The following LARS2 variants were observed in gnomAD, a reference collection of about 807,000 sequenced individuals.
LARS2 encodes leucine--tRNA ligase, mitochondrial.
A neutral mutation model predicts 116.6 loss-of-function variants in LARS2; 81 were observed. The observed-to-expected ratio is 0.69, with a 90% confidence interval of 0.58 to 0.84. The LOEUF (loss-of-function observed/expected upper bound fraction) is 0.84, where lower values mean the gene tolerates loss of function less well. Among genes scored for constraint, LARS2 ranks in the 40% least tolerant of loss-of-function variants. LARS2 has a pLI of 0.00. For missense variants in LARS2, 968 were observed against 1,114.5 expected (o/e 0.87, Z 1.87); for synonymous variants, 396 against 407.2 (o/e 0.97, Z 0.33).
chr3:45,470,400 C>T lies in LARS2; in HGVS notation c.751-3843C>T, dbSNP rs541005637. Among the ~76,000 whole-genome samples, 4 of 152,134 alleles carry T rather than the reference C, an allele frequency of 2.6e-5. No homozygotes were observed. In the East Asian group the frequency reaches 7.7e-4, roughly 29 times the overall value. On this transcript the variant is annotated intron_variant, in intron 8 of 21. Coordinates refer to ENST00000645846, the MANE Select transcript of LARS2 (RefSeq NM_015340.4). ...TTTTTGATTGGATGTTACTTCAGCC[C>T]ATCTTTTATTGGTGCATGTTCTTAA... is the stretch of plus-strand genomic sequence containing the variant.
chr3:45,420,293 A>T (rs931586498), intron 6 of LARS2, among the ~76,000 whole-genome samples: 1 of 152,224 alleles, frequency 6.6e-6, no homozygotes, highest in Non-Finnish European at 1.5e-5. Context: ...TGTTGCAAAC[A>T]AATTGTGAAC....
chr3:45,442,689 G>T (rs1350584910), intron 6 of LARS2, among the ~76,000 whole-genome samples: 1 of 152,174 alleles, frequency 6.6e-6, no homozygotes, highest in Non-Finnish European at 1.5e-5. Flanking sequence ...CAGCATTCCT[G>T]TGTGCGCTGC....
chr3:45,421,796 T>A (rs906103034), intron 6 of LARS2: 1 of 152,374 alleles, frequency 6.6e-6, no homozygotes, highest in Non-Finnish European at 1.5e-5. Context: ...TAGCTTCACC[T>A]AAACTACCTT....
chr3:45,406,701 A>G (rs926235847), intron 4 of LARS2, among the ~76,000 whole-genome samples: 1 of 152,218 alleles, frequency 6.6e-6, no homozygotes, highest in Admixed American at 6.5e-5. Flanking sequence ...AACAATATGT[A>G]ATTTTCAAGT....
chr3:45,473,120 C>T (rs935735825), intron 8 of LARS2, among the ~76,000 whole-genome samples: 4 of 152,202 alleles, frequency 2.6e-5, no homozygotes, highest in Non-Finnish European at 4.4e-5. Flanking sequence ...ATAGAGATCA[C>T]AGGCCAACAT....
rs1454214503 is a variant in LARS2 at position 45,520,199 on chromosome 3, A to G, written c.2215-20A>G. 2 of 1,552,796 alleles carry G rather than the reference A, an allele frequency of 1.3e-6. No homozygotes were observed. Among genetic ancestry groups the G allele is most frequent in the South Asian group, 2.2e-5 (2 of 89,432 alleles). Reference sequence around the variant, plus strand: ...TAAAAGAATTTTGAAATAAGTAAATAATTGAACCTTTACTAATAGGTGACC... The same window carrying G: ...TAAAAGAATTTTGAAATAAGTAAATGATTGAACCTTTACTAATAGGTGACC... On this transcript the variant is annotated intron_variant, in intron 18 of 21. Transcript: ENST00000645846.
intron 10 of LARS2, among the ~76,000 whole-genome samples, chr3:45,480,004 A>G (rs1278840820): frequency 6.6e-6 from 1 of 152,228 alleles, no homozygotes; most frequent in Non-Finnish European, 1.5e-5. Context: ...TGGAAGCCCC[A>G]GGTCATTAAA....
intron 14 of LARS2, among the ~76,000 whole-genome samples, chr3:45,497,242 C>T (rs1338339036): frequency 6.6e-6 from 1 of 151,772 alleles, no homozygotes; most frequent in African/African-American, 2.4e-5. Context: ...CATTGTAAAT[C>T]TTTCAGTACC....
chr3:45,488,622 G>T (rs896769026), intron 11 of LARS2, 75 bp from the exon 12 acceptor site: 2 of 841,946 alleles, frequency 2.4e-6, no homozygotes, highest in Non-Finnish European at 4.1e-6. Flanking sequence ...CTAAACCTGG[G>T]TGTCAGTACT....
chr3:45,522,256 G>T (rs190697792), intron 19 of LARS2, among the ~76,000 whole-genome samples: 1 of 152,316 alleles, frequency 6.6e-6, no homozygotes, highest in East Asian at 1.9e-4. Flanking sequence ...TCTGATCCAG[G>T]AGTGTTCACT....
At chr3:45,446,601 T>C (rs1699023279) in intron 6 of LARS2, among the ~76,000 whole-genome samples, 2 of 152,236 alleles carry the variant, frequency 1.3e-5, no homozygotes, top group African/African-American at 4.8e-5. Flanking sequence ...TTTTGTACAA[T>C]GTAATTCACT....
At chr3:45,449,919 T>C (rs972557646) in intron 7 of LARS2, among the ~76,000 whole-genome samples, 1 of 152,246 alleles carries the variant, frequency 6.6e-6, no homozygotes, top group African/African-American at 2.4e-5. Flanking sequence ...GTCCACCAAA[T>C]GTTCAGTTCT....
At chr3:45,451,342 A>T (rs1051466075) in intron 7 of LARS2, among the ~76,000 whole-genome samples, 12 of 151,862 alleles carry the variant, frequency 7.9e-5, no homozygotes, top group African/African-American at 2.9e-4. Flanking sequence ...TTTCGGTCTT[A>T]CATTTAAGTC....
intron 3 of LARS2, among the ~76,000 whole-genome samples, chr3:45,398,912 A>G (rs575485888): frequency 7.2e-4 from 110 of 152,304 alleles, no homozygotes; most frequent in African/African-American, 2.5e-3. Flanking sequence ...AAGGACTACC[A>G]TCTTTGTTTG....
intron 21 of LARS2, among the ~76,000 whole-genome samples, chr3:45,546,567 A>G (rs1475998513): frequency 6.6e-6 from 1 of 152,216 alleles, no homozygotes; most frequent in Non-Finnish European, 1.5e-5. Flanking sequence ...AATTATTCCT[A>G]GTAACTTTTC....
intron 5 of LARS2, 50 bp downstream of exon 5, chr3:45,417,623 A>C (rs1241973729): frequency 7.2e-7 from 1 of 1,395,056 alleles, no homozygotes; most frequent in Non-Finnish European, 1.0e-6. Context: ...AACCTTTAAA[A>C]AATTTTTTTA....
At chr3:45,394,832 T>A (rs1698016992) in intron 3 of LARS2, 145 bp downstream of exon 3, 2 of 632,454 alleles carry the variant, frequency 3.2e-6, no homozygotes. Context: ...AATTCTCTTA[T>A]CTGAGATGGA....
intron 6 of LARS2, among the ~76,000 whole-genome samples, chr3:45,441,042 T>G (rs1575256672): frequency 1.2e-5 from 1 of 80,734 alleles, no homozygotes. Flanking sequence ...TTTTTTTTTT[T>G]TGAGACGGAG....
chr3:45,436,799 CAAAAAAAAA>C (rs61468802), intron 6 of LARS2, among the ~76,000 whole-genome samples: 1 of 121,520 alleles, frequency 8.2e-6, no homozygotes, highest in Non-Finnish European at 1.6e-5. Flanking sequence ...AGACTCGTCT[CAAAAAAAAA>C]AAAAAAAAGA....
Sources: allele counts gnomAD v4.1 joint callset (sites outside exome capture counted in the v4.1 genomes callset), GRCh38; gene constraint gnomAD v4.1.1; transcripts MANE v1.5; gene names NCBI Gene and HGNC (gene_info 2026-07-23, HGNC 2026-07-21).